PYGL: variants seen among roughly 807,000 people sequenced by gnomAD.
The protein encoded by PYGL is glycogen phosphorylase, liver form.
A neutral mutation model predicts 100.1 loss-of-function variants in PYGL; 90 were observed. The ratio of observed to expected loss-of-function variants is 0.90; its 90% CI spans 0.76 to 1.07. The LOEUF is 1.07. Ranked by LOEUF, PYGL falls within the 50% of genes least tolerant of loss-of-function variation. PYGL has a pLI of 0.00. For synonymous variants in PYGL, 373 were observed against 393.0 expected, an observed-to-expected ratio of 0.95 and a Z score of 0.60; for missense variants, 1,016 against 1,057.6, an observed-to-expected ratio of 0.96 and a Z score of 0.55.
intron 19 of PYGL, among the ~76,000 whole-genome samples, chr14:50,906,520 G>T (rs752390745): frequency 2.0e-5 from 3 of 152,180 alleles, no homozygotes; most frequent in Non-Finnish European, 4.4e-5. Flanking sequence ...AGAGTAAAAA[G>T]CTGCAATTAG....
At position 50,944,456 on chromosome 14, in the gene PYGL, C is replaced by A; in HGVS notation, c.-53G>T. The A allele has an allele frequency of 1.9e-6, 3 of 1,542,116 alleles. No homozygotes were observed. The highest frequency in any genetic ancestry group is 2.6e-6 in the Non-Finnish European group (3 of 1,147,420). ...CTGCGCAGAGAGCTGGAAGTGCGGC[C>A]GGAGGCGCTGGGCTGCCGGGCAGGG... On this transcript the variant is annotated 5_prime_UTR_variant, in exon 1 of 20. Coordinates refer to ENST00000216392, the MANE Select transcript of PYGL (RefSeq NM_002863.5).
chr14:50,925,955 A>G (rs2050544155), intron 4 of PYGL, among the ~76,000 whole-genome samples: 3 of 152,136 alleles, frequency 2.0e-5, no homozygotes, highest in East Asian at 1.9e-4. Context: ...TGCATTCCTA[A>G]TAAGCTCCCA....
chr14:50,944,470 T>C lies in PYGL; in HGVS notation c.-67A>G. ...GGAAGTGCGGCCGGAGGCGCTGGGC[T>C]GCCGGGCAGGGGTGGAGTCCGCCCC... On this transcript the variant is annotated 5_prime_UTR_variant, in exon 1 of 20. Coordinates refer to ENST00000216392, the MANE Select transcript of PYGL (RefSeq NM_002863.5). 1 of 1,522,258 alleles carries C rather than the reference T, an allele frequency of 6.6e-7. No individual in the cohort carries two copies. The highest frequency in any genetic ancestry group is 8.8e-7 in the Non-Finnish European group (1 of 1,137,874). 94.3% of individuals were successfully genotyped at this position (1,522,258 alleles called of 1,614,324 possible). A position where few individuals can be genotyped will look rare whatever the true frequency, so the allele number is the denominator to read the frequency against.
At chr14:50,921,805 A>C (rs1321913141) in intron 5 of PYGL, among the ~76,000 whole-genome samples, 1 of 152,240 alleles carries the variant, frequency 6.6e-6, no homozygotes, top group Non-Finnish European at 1.5e-5. Context: ...TATGTTTTGC[A>C]TAGGTTTTTC....
rs373203032 is a variant in PYGL, at chr14:50,908,623, G to C, written c.2312+198C>G. 1.2e-4 allele frequency among the ~76,000 whole-genome samples: 18 copies of C among 152,324 alleles called. No homozygotes were observed. The South Asian group carries it at 3.3e-3, about 28-fold the overall frequency. ...TTCTTAAACCTTACTGGCATCGCTGGTGGAGAATATCTAACTTTTTCCCCA... is the reference window on the plus strand; with the variant it reads ...TTCTTAAACCTTACTGGCATCGCTGCTGGAGAATATCTAACTTTTTCCCCA... On this transcript the variant is annotated intron_variant, in intron 18 of 19. Coordinates refer to ENST00000216392, the MANE Select transcript of PYGL (RefSeq NM_002863.5).
rs150228198 is a variant in PYGL, at chr14:50,905,535, T to C, written c.2401A>G (p.Met801Val). 38 of 1,613,904 alleles carry C rather than the reference T, an allele frequency of 2.4e-5. No homozygotes were observed. Among genetic ancestry groups the C allele is most frequent in the Non-Finnish European group, 3.1e-5 (37 of 1,179,916 alleles). The change falls in exon 20 of 20, where the codon ATG becomes GTG. Residue 801 changes from methionine to valine, a missense_variant. Physicochemically the swap from Met to Val is conservative, Grantham distance 21. Coordinates refer to ENST00000216392, the MANE Select transcript of PYGL (RefSeq NM_002863.5). ...GAGGCAGCTATGTTTTTGAGTACCA[T>C]TGTGTTCCAGGCCTTTGGATTCTGT... The part of the protein sequence containing the change: ...LYMNPKAWNT[M>V]VLKNIAASGK...
intron 16 of PYGL, among the ~76,000 whole-genome samples, chr14:50,911,513 A>G (rs927920861): frequency 6.6e-6 from 1 of 152,200 alleles, no homozygotes; most frequent in African/African-American, 2.4e-5. Context: ...AAGAAAATGT[A>G]CTTGCAAGTA....
Position 50,914,767 on chromosome 14 carries a change from G to T in PYGL, c.1452C>A (p.Thr484=). Residue 484 remains threonine (T), a synonymous_variant, in exon 12 of 20, where the codon ACC becomes ACA. Coordinates refer to ENST00000216392, the MANE Select transcript of PYGL (RefSeq NM_002863.5). ...ELEPDKFQNK[T]NGITPRRWLL... is the part of the protein sequence containing the mutation. ...GCCAGCGCCTTGGAGTGATCCCATT[G>T]GTTTTATTCTGAAACTTGTCAGGTT... 6.2e-7 allele frequency: 1 copy of T among 1,614,024 alleles called. No homozygotes were observed. The highest frequency in any genetic ancestry group is 1.1e-5 in the South Asian group (1 of 91,066).
chr14:50,916,090 G>C, intron 9 of PYGL, 119 bp from the exon 10 acceptor site: 2 of 1,376,938 alleles, frequency 1.5e-6, no homozygotes, highest in African/African-American at 2.9e-5. Context: ...TGCATAGTCA[G>C]AGCACTCAAT....
chr14:50,913,104 G>A lies in PYGL; in HGVS notation c.1545C>T (p.Asp515=), dbSNP rs772847619. The A allele has an allele frequency of 4.3e-6, 7 of 1,613,856 alleles. No homozygotes were observed. In the African/African-American group the frequency reaches 6.7e-5, roughly 15 times the overall value. ...AEKIGEDYVK[D]LSQLTKLHSF... is the part of the protein sequence containing the mutation. ...TGTGGAGCTTCGTCAGCTGGCTCAG[G>A]TCTTTCACATAGTCTTCTCCAATTT... Residue 515 remains aspartate (D), a synonymous_variant, in exon 13 of 20, where the codon GAC becomes GAT. Coordinates refer to ENST00000216392, the MANE Select transcript of PYGL (RefSeq NM_002863.5).
rs113993979 is a variant in PYGL, at chr14:50,915,373, C to T, written c.1366G>A (p.Val456Met). The part of the protein sequence containing the change: ...CIVGSHAVNG[V>M]AKIHSDIVKT... ...ACGATGTCTGAGTGGATTTTAGCCA[C>T]GCCATTCACAGCATGGGAACCGACA... is the stretch of plus-strand genomic sequence containing the variant. The change falls in exon 11 of 20, where the codon GTG (valine) becomes ATG (methionine). Residue 456 changes from valine (V) to methionine (M), a missense_variant. Val to Met is a conservative substitution (Grantham distance 21, BLOSUM62 1). Transcript: ENST00000216392. 39 of 1,614,130 alleles carry T rather than the reference C, an allele frequency of 2.4e-5. 1 individual carries two copies. Among genetic ancestry groups the T allele is most frequent in the South Asian group, 9.9e-5 (9 of 91,084 alleles).
At chr14:50,912,974 A>C in intron 13 of PYGL, 55 bp downstream of exon 13, 1 of 1,517,918 alleles carries the variant, frequency 6.6e-7, no homozygotes, top group African/African-American at 1.4e-5. Context: ...CAAAAACTAC[A>C]GGATAAACTC....
rs145645789 is a variant in PYGL at position 50,913,065 on chromosome 14, A to G, written c.1584T>C (p.Asp528=). 99 of 1,613,888 alleles carry G rather than the reference A, an allele frequency of 6.1e-5. No homozygotes were observed. In the Middle Eastern group the frequency reaches 6.6e-4, roughly 11 times the overall value. The change falls in exon 13 of 20, where the codon GAT becomes GAC. Residue 528 remains aspartate, a synonymous_variant. Coordinates refer to ENST00000216392, the MANE Select transcript of PYGL (RefSeq NM_002863.5). The part of the protein sequence containing the change: ...QLTKLHSFLG[D]DVFLRELAKV... ...TGGCGAGTTCCCGGAGGAAGACATC[A>G]TCACCCAGGAAGCTGTGGAGCTTCG...
rs764316273 is a variant in PYGL at position 50,935,168 on chromosome 14, T to G, written c.363A>C (p.Glu121Asp). Residue 121 changes from glutamate (E) to aspartate (D), a missense_variant, in exon 3 of 20, where the codon GAA (glutamate) becomes GAC (aspartate). Transcript: ENST00000216392. ...CATCTTCTTCAATTTCTTCTAACTC[T>G]TCTATATCCAATCCAAGCTGGTAAT... ...EAIYQLGLDI[E>D]ELEEIEEDAG... The G allele has an allele frequency of 1.2e-6, 2 of 1,612,314 alleles. No homozygotes were observed. Among genetic ancestry groups the G allele is most frequent in the South Asian group, 2.2e-5 (2 of 91,046 alleles).
chr14:50,943,247 C>T (rs2050716399), intron 1 of PYGL, among the ~76,000 whole-genome samples: 1 of 152,202 alleles, frequency 6.6e-6, no homozygotes, highest in South Asian at 2.1e-4. Context: ...CACACCCGCC[C>T]TCACTCCAGC....
At chr14:50,933,628 C>G (rs1241137921) in intron 3 of PYGL, among the ~76,000 whole-genome samples, 1 of 152,086 alleles carries the variant, frequency 6.6e-6, no homozygotes, top group Non-Finnish European at 1.5e-5. Flanking sequence ...ATTTATTATG[C>G]CAGCATCCCC....
rs185693797 is a variant in PYGL at position 50,934,545 on chromosome 14, A to T, written c.424+562T>A. 5.9e-4 allele frequency among the ~76,000 whole-genome samples: 90 copies of T among 152,258 alleles called. 4 individuals are homozygous for T. The highest frequency in any genetic ancestry group is 1.8e-3 in the African/African-American group (74 of 41,538). Reference sequence around the variant, plus strand: ...TACAGTGTGATACCATTTATTTTTTAAAAAATTAAATATTTTCTATGAATA... The same window carrying T: ...TACAGTGTGATACCATTTATTTTTTTAAAAATTAAATATTTTCTATGAATA... On this transcript the variant is annotated intron_variant, in intron 3 of 19. Transcript: ENST00000216392.
At chr14:50,915,198 A>C in intron 11 of PYGL, 138 bp downstream of exon 11, 2 of 1,046,612 alleles carry the variant, frequency 1.9e-6, no homozygotes, top group Admixed American at 2.3e-5. Context: ...TTTAGGCAAG[A>C]GTTTTTTGTA....
In PYGL at chr14:50,908,965, A is replaced by C. The variant is rs879201864; in HGVS notation, c.2178-10T>G. The C allele has an allele frequency of 4.5e-6, 4 of 886,836 alleles. No homozygotes were observed. The highest frequency in any genetic ancestry group is 7.0e-6 in the Non-Finnish European group (4 of 568,110). The allele number at this position is 886,836 out of a possible 1,614,324, so 54.9% of individuals were successfully genotyped here. A position where few individuals can be genotyped will look rare whatever the true frequency, so the allele number is the denominator to read the frequency against. Reference sequence around the variant, plus strand: ...TTCTTTTGCCTCGTACCTGTGGGGTAGGGGTGGGTGGGTGATAAAAAAAGG... The same window carrying C: ...TTCTTTTGCCTCGTACCTGTGGGGTCGGGGTGGGTGGGTGATAAAAAAAGG... On this transcript the variant is annotated splice_polypyrimidine_tract_variant and intron_variant, in intron 17 of 19. Coordinates refer to ENST00000216392, the MANE Select transcript of PYGL (RefSeq NM_002863.5).
Sources: allele counts gnomAD v4.1 joint callset (sites outside exome capture counted in the v4.1 genomes callset), GRCh38; gene constraint gnomAD v4.1.1; transcripts MANE v1.5; gene names NCBI Gene and HGNC (gene_info 2026-07-23, HGNC 2026-07-21).